LAMA2: variants seen among roughly 807,000 people sequenced by gnomAD.
LAMA2 encodes laminin subunit alpha 2.
LAMA2 carries 269 observed loss-of-function variants against 364.8 expected under a neutral mutation model. That is an observed-to-expected ratio of 0.74 (90% confidence interval 0.67 to 0.82). The LOEUF is 0.82. Ranked by LOEUF, LAMA2 falls within the 40% of genes least tolerant of loss-of-function variation. The probability of loss-of-function intolerance (pLI) is 0.00; values close to 1 mark genes in which losing one functional copy is unlikely to be tolerated. For synonymous variants in LAMA2, 1,379 were observed against 1,370.6 expected (o/e 1.01, Z -0.14); for missense variants, 3,807 against 3,873.2 (o/e 0.98, Z 0.45).
chr6:129,424,149 G>A (rs964648419), intron 40 of LAMA2, among the ~76,000 whole-genome samples: 28 of 151,880 alleles, frequency 1.8e-4, no homozygotes, highest in Admixed American at 6.6e-5. Context: ...TCTACTAGAG[G>A]AATTGAATAT....
At chr6:129,293,928 A>G (rs950470992) in intron 20 of LAMA2, among the ~76,000 whole-genome samples, 7 of 152,216 alleles carry the variant, frequency 4.6e-5, no homozygotes, top group Non-Finnish European at 5.9e-5. Context: ...CTTCCTAGCT[A>G]TAAATTCCTT....
intron 3 of LAMA2, among the ~76,000 whole-genome samples, chr6:129,067,609 C>G (rs1383672496): frequency 6.6e-6 from 1 of 152,202 alleles, no homozygotes; most frequent in African/African-American, 2.4e-5. Flanking sequence ...CTAAAAGTCT[C>G]TACTGGTTTT....
chr6:129,432,122 C>G (rs1375792891), intron 41 of LAMA2, among the ~76,000 whole-genome samples: 1 of 152,148 alleles, frequency 6.6e-6, no homozygotes, highest in Admixed American at 6.5e-5. Flanking sequence ...CTATTGACCA[C>G]AATTTTAGAC....
chr6:129,438,809 T>C lies in LAMA2; in HGVS notation c.6085+47T>C, dbSNP rs540355833. On this transcript the variant is annotated intron_variant, in intron 42 of 64. Transcript: ENST00000421865. ...AACTGTGTCAGTTGACCTGAAGTTTTGAAGACTGTTGTTAACTTTTACCAT... is the reference window on the plus strand; with the variant it reads ...AACTGTGTCAGTTGACCTGAAGTTTCGAAGACTGTTGTTAACTTTTACCAT... 70 of 934,072 alleles carry C rather than the reference T, an allele frequency of 7.5e-5. No homozygotes were observed. In the South Asian group the frequency reaches 9.0e-4, roughly 12 times the overall value. The allele number at this position is 934,072 out of a possible 1,614,324, so 57.9% of individuals were successfully genotyped here.
intron 17 of LAMA2, among the ~76,000 whole-genome samples, chr6:129,271,324 C>G (rs557731395): frequency 6.6e-6 from 1 of 152,114 alleles, no homozygotes; most frequent in Non-Finnish European, 1.5e-5. Flanking sequence ...AGAAAGAACA[C>G]TTGACTTCCT....
At chr6:129,246,014 G>C (rs1785726805) in intron 12 of LAMA2, among the ~76,000 whole-genome samples, 1 of 152,168 alleles carries the variant, frequency 6.6e-6, no homozygotes, top group African/African-American at 2.4e-5. Context: ...TTCTTAAGTA[G>C]TTAGTGCCAA....
At chr6:128,915,262 A>T (rs1190791732) in intron 1 of LAMA2, among the ~76,000 whole-genome samples, 1 of 152,214 alleles carries the variant, frequency 6.6e-6, no homozygotes, top group East Asian at 1.9e-4. Flanking sequence ...CAAGGCAGAA[A>T]GGTTAATGGA....
At chr6:128,958,944 T>C (rs1781313235) in intron 1 of LAMA2, among the ~76,000 whole-genome samples, 1 of 152,276 alleles carries the variant, frequency 6.6e-6, no homozygotes, top group East Asian at 1.9e-4. Flanking sequence ...AAGACAAAGA[T>C]TGAGCACTCT....
At chr6:129,073,261 C>G (rs144849198) in intron 3 of LAMA2, among the ~76,000 whole-genome samples, 1 of 152,140 alleles carries the variant, frequency 6.6e-6, no homozygotes, top group Non-Finnish European at 1.5e-5. Context: ...TTCTTGGAAA[C>G]AAGATCATTT....
intron 34 of LAMA2, among the ~76,000 whole-genome samples, chr6:129,375,246 G>T (rs991515434): frequency 6.6e-6 from 1 of 152,094 alleles, no homozygotes; most frequent in African/African-American, 2.4e-5. Flanking sequence ...AAGAACCCAA[G>T]TTCCTCACAT....
At chr6:129,385,060 G>GGA in intron 35 of LAMA2, among the ~76,000 whole-genome samples, 1 of 54,606 alleles carries the variant, frequency 1.8e-5, no homozygotes, top group South Asian at 6.6e-4. Context: ...GGGGAAGGAA[G>GGA]GGAGGGGAGG....
At chr6:128,915,614 T>C (rs892538629) in intron 1 of LAMA2, among the ~76,000 whole-genome samples, 1 of 152,228 alleles carries the variant, frequency 6.6e-6, no homozygotes, top group Non-Finnish European at 1.5e-5. Flanking sequence ...GTGAGCACTA[T>C]TGAAGTGTGT....
chr6:129,054,248 T>A (rs1788306209), intron 2 of LAMA2, among the ~76,000 whole-genome samples: 1 of 152,130 alleles, frequency 6.6e-6, no homozygotes, highest in South Asian at 2.1e-4. Flanking sequence ...GGCAATTCCA[T>A]ATGGAGTAAA....
chr6:129,427,294 A>G (rs1781368717), intron 40 of LAMA2, among the ~76,000 whole-genome samples: 1 of 152,338 alleles, frequency 6.6e-6, no homozygotes, highest in South Asian at 2.1e-4. Flanking sequence ...GTCCACAACT[A>G]GAGTGAAATT....
intron 10 of LAMA2, among the ~76,000 whole-genome samples, chr6:129,180,550 TG>T (rs1780868929): frequency 6.6e-6 from 1 of 152,122 alleles, no homozygotes; most frequent in Non-Finnish European, 1.5e-5. Context: ...TGGGCCTAAT[TG>T]TTTTTTGTTT....
At chr6:129,266,865 A>G (rs1388081754) in intron 15 of LAMA2, among the ~76,000 whole-genome samples, 3 of 152,244 alleles carry the variant, frequency 2.0e-5, no homozygotes, top group African/African-American at 7.2e-5. Context: ...ATTTCAGAAG[A>G]AACACCAAGC....
chr6:129,174,312 A>G (rs1489394478), intron 9 of LAMA2, among the ~76,000 whole-genome samples: 1 of 151,476 alleles, frequency 6.6e-6, no homozygotes, highest in Non-Finnish European at 1.5e-5. Flanking sequence ...GTTTTCCAAT[A>G]CTCTTTTTTA....
At chr6:129,484,182 G>C (rs966738910) in intron 55 of LAMA2, among the ~76,000 whole-genome samples, 2 of 152,164 alleles carry the variant, frequency 1.3e-5, no homozygotes, top group African/African-American at 4.8e-5. Flanking sequence ...AATCTACAGG[G>C]AATACAGTCC....
intron 1 of LAMA2, among the ~76,000 whole-genome samples, chr6:128,978,375 T>A (rs2114632659): frequency 6.7e-6 from 1 of 148,496 alleles, no homozygotes; most frequent in African/African-American, 2.5e-5. Flanking sequence ...TTTGAGAGCA[T>A]GGTGTGGTCT....
Sources: gnomAD v4.1 joint callset for allele counts (sites outside exome capture counted in the v4.1 genomes callset) on GRCh38, gnomAD v4.1.1 for gene constraint, MANE v1.5 for transcripts, NCBI Gene and HGNC (gene_info 2026-07-23, HGNC 2026-07-21) for gene names.